ADRA1B: variants seen among roughly 807,000 people sequenced by gnomAD.
The protein encoded by ADRA1B is adrenoceptor alpha 1B.
Under a neutral mutation model 17.9 loss-of-function variants are expected in ADRA1B, and 17 were observed. The observed-to-expected ratio is 0.95, with a 90% confidence interval of 0.65 to 1.42. The LOEUF is 1.42. ADRA1B is among the 40% of genes most tolerant of loss of function. ADRA1B has a pLI of 0.00. For synonymous variants in ADRA1B, 366 were observed against 327.6 expected (o/e 1.12, Z -1.27); for missense variants, 681 against 722.1 (o/e 0.94, Z 0.65).
intron 1 of ADRA1B, among the ~76,000 whole-genome samples, chr5:159,939,274 AGAGAGTGTGTGTGTGT>A (rs1561600459): frequency 1.3e-5 from 1 of 78,446 alleles, no homozygotes; most frequent in Admixed American, 1.5e-4. Flanking sequence ...AGAGAGAGAG[AGAGAGTGTGTGTGTGT>A]GTGTGTGTGT....
chr5:159,957,052 A>G (rs1755567936), intron 1 of ADRA1B, among the ~76,000 whole-genome samples: 1 of 151,976 alleles, frequency 6.6e-6, no homozygotes, highest in African/African-American at 2.4e-5. Context: ...TTGTATTTTT[A>G]GTAGAGATGG....
At chr5:159,954,976 TATGGC>T in intron 1 of ADRA1B, 1 of 240,096 alleles carries the variant, frequency 4.2e-6, no homozygotes, top group Non-Finnish European at 6.7e-6. Flanking sequence ...CGGGGTCATT[TATGGC>T]ATGCCGGTAG....
intron 1 of ADRA1B, among the ~76,000 whole-genome samples, chr5:159,926,950 A>C (rs565696140): frequency 1.3e-5 from 2 of 152,280 alleles, no homozygotes; most frequent in African/African-American, 2.4e-5. Flanking sequence ...AGGGGGGTTA[A>C]GTGGCTTGTC....
At chr5:159,876,511 A>G (rs917856916) in intron 1 of ADRA1B, among the ~76,000 whole-genome samples, 2 of 152,144 alleles carry the variant, frequency 1.3e-5, no homozygotes, top group East Asian at 3.9e-4. Context: ...CCCTAACCCA[A>G]TCACTGGTGA....
chr5:159,976,087 G>T (rs1303369635), downstream of ADRA1B, among the ~76,000 whole-genome samples: 1 of 152,168 alleles, frequency 6.6e-6, no homozygotes, highest in Non-Finnish European at 1.5e-5. Flanking sequence ...CTATAAAATA[G>T]AGATAATAAT....
At position 159,905,200 on chromosome 5, in the gene ADRA1B, AAG is replaced by A. The variant is rs543500424; in HGVS notation, c.-255-10918_-255-10917del. Among the ~76,000 whole-genome samples, 8 of 152,318 alleles carry A rather than the reference AAG, an allele frequency of 5.3e-5. 1 individual carries two copies. The South Asian group carries it at 1.7e-3, about 32-fold the overall frequency. Reference sequence around the variant, plus strand: ...GATCTTGGGGAGGGGTTATAGTTGAAAGGAAGAGAGGGTTGCAGAGAGGAGAA... The same window carrying A: ...GATCTTGGGGAGGGGTTATAGTTGAAGAAGAGAGGGTTGCAGAGAGGAGAA... On this transcript the variant is annotated intron_variant, in intron 1 of 2. Transcript: ENST00000641205.
At chr5:159,927,529 C>T (rs757018084) in intron 1 of ADRA1B, among the ~76,000 whole-genome samples, 100 of 151,938 alleles carry the variant, frequency 6.6e-4, no homozygotes, top group Non-Finnish European at 1.2e-3. Context: ...ATACAGGTGC[C>T]CCAGCTTTGC....
chr5:159,878,539 T>A (rs1753825683), intron 1 of ADRA1B, among the ~76,000 whole-genome samples: 1 of 152,214 alleles, frequency 6.6e-6, no homozygotes, highest in African/African-American at 2.4e-5. Context: ...TAACAATACC[T>A]CATTTCCCCC....
At chr5:159,987,330 G>T in the ADRA1B span, among the ~76,000 whole-genome samples, 2 of 152,232 alleles carry the variant, frequency 1.3e-5, no homozygotes, top group Non-Finnish European at 2.9e-5. Flanking sequence ...CGGGCTCAGC[G>T]GGCCGGCGCC....
At chr5:159,920,703 C>G (rs1581034670) in intron 1 of ADRA1B, among the ~76,000 whole-genome samples, 1 of 152,170 alleles carries the variant, frequency 6.6e-6, no homozygotes, top group African/African-American at 2.4e-5. Context: ...TACTTAATTA[C>G]TGTTTTCTTA....
intron 1 of ADRA1B, among the ~76,000 whole-genome samples, chr5:159,940,203 G>A (rs181612171): frequency 4.4e-4 from 67 of 152,286 alleles, no homozygotes; most frequent in Non-Finnish European, 7.5e-4. Context: ...CTTTAGTCTA[G>A]CTCCTGAATC....
chr5:159,946,773 A>G (rs899835849), intron 1 of ADRA1B, among the ~76,000 whole-genome samples: 7 of 152,252 alleles, frequency 4.6e-5, no homozygotes, highest in Non-Finnish European at 1.0e-4. Context: ...ATACATAAAC[A>G]TGGCATAGAT....
At chr5:159,975,989 G>T (rs1446536115), downstream of ADRA1B, among the ~76,000 whole-genome samples, 1 of 152,224 alleles carries the variant, frequency 6.6e-6, no homozygotes, top group Admixed American at 6.5e-5. Context: ...TAATTTTCCA[G>T]ACCTGGACTC....
chr5:159,901,434 GA>G (rs1229551051), intron 1 of ADRA1B, among the ~76,000 whole-genome samples: 2 of 113,574 alleles, frequency 1.8e-5, no homozygotes, highest in Non-Finnish European at 3.6e-5. Flanking sequence ...GGGAGAGGGG[GA>G]GGGGAGGGGG....
chr5:159,963,068 T>C (rs1383511516), intron 1 of ADRA1B, among the ~76,000 whole-genome samples: 3 of 150,508 alleles, frequency 2.0e-5, no homozygotes, highest in African/African-American at 7.3e-5. Context: ...CCTGGCCTTT[T>C]AGCTTTTAGA....
At chr5:159,905,148 T>A (rs1561586533) in intron 1 of ADRA1B, among the ~76,000 whole-genome samples, 1 of 149,974 alleles carries the variant, frequency 6.7e-6, no homozygotes, top group Non-Finnish European at 1.5e-5. Flanking sequence ...GATTTGGGGG[T>A]TGCTGGAAGC....
chr5:159,881,792 C>G lies in ADRA1B; in HGVS notation c.-256+16586C>G, dbSNP rs561072863. ...AATAGATCTGAGAGGTCAGGACGCTCTCAGAGAAGTATACTATCCTAGGAT... is the reference window on the plus strand; with the variant it reads ...AATAGATCTGAGAGGTCAGGACGCTGTCAGAGAAGTATACTATCCTAGGAT... On this transcript the variant is annotated intron_variant, in intron 1 of 2. Transcript: ENST00000641205. Among the ~76,000 whole-genome samples, 12 of 152,230 alleles carry G rather than the reference C, an allele frequency of 7.9e-5. No individual in the cohort carries two copies. In the South Asian group the frequency reaches 2.1e-3, roughly 26 times the overall value.
intron 1 of ADRA1B, among the ~76,000 whole-genome samples, chr5:159,899,267 G>GAAGGAAGGAAGGAAGA (rs1754071512): frequency 3.1e-5 from 3 of 95,854 alleles, no homozygotes; most frequent in African/African-American, 1.1e-4. Context: ...AGGAAGAAAG[G>GAAGGAAGGAAGGAAGA]AAGGAAGGAA....
intron 1 of ADRA1B, among the ~76,000 whole-genome samples, chr5:159,888,862 T>C (rs1184275332): frequency 1.3e-5 from 2 of 152,240 alleles, no homozygotes; most frequent in Non-Finnish European, 2.9e-5. Context: ...TTTGGAAACC[T>C]ACTTGTTTAC....
Sources: gnomAD v4.1 joint callset for allele counts (sites outside exome capture counted in the v4.1 genomes callset) on GRCh38, gnomAD v4.1.1 for gene constraint, MANE v1.5 for transcripts, NCBI Gene and HGNC (gene_info 2026-07-23, HGNC 2026-07-21) for gene names.